Variants in MDGA2 observed in about 807,000 individuals in gnomAD.
MDGA2 encodes MAM domain containing glycosylphosphatidylinositol anchor 2.
MDGA2 carries 40 observed loss-of-function variants against 117.8 expected under a neutral mutation model. The ratio of observed to expected loss-of-function variants is 0.34; its 90% CI spans 0.26 to 0.44. The LOEUF (loss-of-function observed/expected upper bound fraction) is 0.44, where lower values mean the gene tolerates loss of function less well. Ranked by LOEUF, MDGA2 falls within the 20% of genes least tolerant of loss-of-function variation. The pLI is 1.00. For synonymous variants in MDGA2, 452 were observed against 439.0 expected (o/e 1.03, Z -0.37); for missense variants, 1,123 against 1,250.6 (o/e 0.90, Z 1.54).
intron 8 of MDGA2, among the ~76,000 whole-genome samples, chr14:46,987,986 A>G (rs1886929402): frequency 1.3e-5 from 2 of 151,716 alleles, no homozygotes; most frequent in Admixed American, 1.3e-4. Flanking sequence ...TGTTACTATT[A>G]TGTAAAGTAC....
At chr14:47,429,019 G>T in intron 1 of MDGA2, among the ~76,000 whole-genome samples, 1 of 152,044 alleles carries the variant, frequency 6.6e-6, no homozygotes, top group East Asian at 1.9e-4. Flanking sequence ...GAGGTCAGAA[G>T]TTCGAGACAA....
chr14:47,286,740 A>G (rs1489095937), intron 2 of MDGA2, among the ~76,000 whole-genome samples: 1 of 144,920 alleles, frequency 6.9e-6, no homozygotes, highest in Non-Finnish European at 1.5e-5. Flanking sequence ...AAATAGAGAG[A>G]GAATGCTATT....
chr14:47,102,393 AAAC>A (rs1461864103), intron 5 of MDGA2, among the ~76,000 whole-genome samples: 3 of 145,242 alleles, frequency 2.1e-5, no homozygotes, highest in Non-Finnish European at 3.0e-5. Context: ...ACACACACAC[AAAC>A]ACACACACAC....
intron 5 of MDGA2, among the ~76,000 whole-genome samples, chr14:47,117,951 A>T (rs974770902): frequency 6.6e-6 from 1 of 152,226 alleles, no homozygotes; most frequent in Non-Finnish European, 1.5e-5. Flanking sequence ...CATGTTTTAA[A>T]AAATAAATGT....
chr14:46,936,273 A>G (rs1330734711), intron 9 of MDGA2, among the ~76,000 whole-genome samples: 1 of 151,918 alleles, frequency 6.6e-6, no homozygotes, highest in Non-Finnish European at 1.5e-5. Context: ...GCAAAGGGAC[A>G]ATCAGAGAAC....
intron 8 of MDGA2, among the ~76,000 whole-genome samples, chr14:46,992,045 A>C (rs2138435864): frequency 6.6e-6 from 1 of 152,278 alleles, no homozygotes; most frequent in South Asian, 2.1e-4. Context: ...ATGATTTAGT[A>C]ATAAAAGCTA....
intron 1 of MDGA2, among the ~76,000 whole-genome samples, chr14:47,435,341 C>T (rs1389238471): frequency 2.6e-5 from 4 of 152,066 alleles, no homozygotes; most frequent in African/African-American, 9.7e-5. Flanking sequence ...TGCATTTCTG[C>T]AATGCAAATA....
intron 1 of MDGA2, among the ~76,000 whole-genome samples, chr14:47,551,842 T>C (rs1895588104): frequency 6.6e-6 from 1 of 152,164 alleles, no homozygotes. Flanking sequence ...CATTTGTCCT[T>C]TCCCGGTAGA....
chr14:47,646,687 T>C (rs1176005824), intron 1 of MDGA2, among the ~76,000 whole-genome samples: 1 of 152,170 alleles, frequency 6.6e-6, no homozygotes, highest in Non-Finnish European at 1.5e-5. Flanking sequence ...TGAATAAAAG[T>C]TTTTCTTATG....
At chr14:47,279,064 G>C (rs1401524726) in intron 2 of MDGA2, among the ~76,000 whole-genome samples, 1 of 152,036 alleles carries the variant, frequency 6.6e-6, no homozygotes, top group Admixed American at 6.6e-5. Context: ...GAAAACCCTT[G>C]TTATACATGT....
chr14:47,309,862 T>C (rs1203279688), intron 1 of MDGA2, among the ~76,000 whole-genome samples: 5 of 152,114 alleles, frequency 3.3e-5, no homozygotes, highest in Non-Finnish European at 7.4e-5. Context: ...CAATTTAAAC[T>C]TACATTAAAT....
chr14:47,295,133 G>A (rs1889020199), intron 2 of MDGA2, among the ~76,000 whole-genome samples: 1 of 152,142 alleles, frequency 6.6e-6, no homozygotes, highest in Non-Finnish European at 1.5e-5. Flanking sequence ...ATATTTTAGT[G>A]ATGAAAAATA....
chr14:47,542,317 A>G (rs548841340), intron 1 of MDGA2, among the ~76,000 whole-genome samples: 32 of 150,966 alleles, frequency 2.1e-4, no homozygotes, highest in African/African-American at 6.5e-4. Flanking sequence ...TGAAAAGCAC[A>G]TGTTTCTCCT....
At chr14:47,361,207 C>CTCTCTA (rs61280975) in intron 1 of MDGA2, among the ~76,000 whole-genome samples, 8,263 of 140,242 alleles carry the variant, frequency 0.059, 292 homozygotes, top group South Asian at 0.093. Flanking sequence ...CTCTCTCTCT[C>CTCTCTA]TATATATATA....
intron 5 of MDGA2, among the ~76,000 whole-genome samples, chr14:47,098,311 A>T (rs1880102523): frequency 1.3e-5 from 2 of 150,750 alleles, no homozygotes; most frequent in African/African-American, 4.9e-5. Flanking sequence ...ATTTCACATT[A>T]CAGTTCTATG....
chr14:46,841,947 A>C lies in MDGA2; in HGVS notation c.3062T>G (p.Leu1021Ter), dbSNP rs769098731. 1.2e-6 allele frequency: 2 copies of C among 1,611,104 alleles called. No individual in the cohort carries two copies. The highest frequency in any genetic ancestry group is 8.5e-7 in the Non-Finnish European group (1 of 1,177,954). ...LFPIIVLISI[L>*]SPRR is the part of the protein sequence containing the mutation. ...AGGATAAGGTCACCTTCGAGGACTTAAGATAGAGATGAGGACGATAATGGG... is the reference window on the plus strand; with the variant it reads ...AGGATAAGGTCACCTTCGAGGACTTCAGATAGAGATGAGGACGATAATGGG... The change falls in exon 17 of 17, where the codon TTA becomes TGA. Residue 1021 changes from leucine (L) to a stop codon, truncating the protein, a stop_gained. Coordinates refer to ENST00000399232, the MANE Select transcript of MDGA2 (RefSeq NM_001113498.3). LOFTEE classifies it high-confidence loss of function.
chr14:47,256,425 C>T (rs1191662360), intron 2 of MDGA2, among the ~76,000 whole-genome samples: 5 of 152,150 alleles, frequency 3.3e-5, no homozygotes, highest in African/African-American at 4.8e-5. Context: ...TCCTATGACC[C>T]TTTCTTTCTC....
intron 8 of MDGA2, among the ~76,000 whole-genome samples, chr14:46,991,468 T>G (rs192148535): frequency 4.2e-4 from 64 of 152,058 alleles, no homozygotes; most frequent in Admixed American, 2.8e-3. Context: ...TATCATCTTT[T>G]TGTCATTTGT....
At chr14:47,609,442 T>TACATATATATATATATATATATAC (rs1566539666) in intron 1 of MDGA2, among the ~76,000 whole-genome samples, 10 of 89,620 alleles carry the variant, frequency 1.1e-4, no homozygotes, top group African/African-American at 1.9e-4. Flanking sequence ...TATATATATA[T>TACATATATATATATATATATATAC]ATATATATAT....
Sources: gnomAD v4.1 joint callset for allele counts (sites outside exome capture counted in the v4.1 genomes callset) on GRCh38, gnomAD v4.1.1 for gene constraint, MANE v1.5 for transcripts, NCBI Gene and HGNC (gene_info 2026-07-23, HGNC 2026-07-21) for gene names.